EML1: variants seen among roughly 807,000 people sequenced by gnomAD.
EML1 encodes echinoderm microtubule-associated protein-like 1.
A neutral mutation model predicts 110.4 loss-of-function variants in EML1; 27 were observed. The observed-to-expected ratio is 0.24, with a 90% CI of 0.18 to 0.34. The LOEUF is 0.34. Among genes scored for constraint, EML1 ranks in the 10% least tolerant of loss-of-function variants. EML1 has a pLI of 1.00. For missense variants in EML1, 741 were observed against 1,030.9 expected, an observed-to-expected ratio of 0.72 and a Z score of 3.85; for synonymous variants, 344 against 385.8, an observed-to-expected ratio of 0.89 and a Z score of 1.27.
upstream of EML1, among the ~76,000 whole-genome samples, chr14:99,770,247 T>C (rs1411354580): frequency 5.3e-5 from 8 of 152,192 alleles, no homozygotes; most frequent in Admixed American, 5.2e-4. Flanking sequence ...AAGATCAAAG[T>C]GCTGGCAGAT....
chr14:99,920,919 CTTTTAT>C (rs2060119799), intron 17 of EML1, 42 bp downstream of exon 17: 4 of 1,568,074 alleles, frequency 2.6e-6, no homozygotes, highest in Non-Finnish European at 3.5e-6. Context: ...TTTTAATCAA[CTTTTAT>C]TTTAAGTTCT....
intron 1 of EML1, among the ~76,000 whole-genome samples, chr14:99,836,989 T>C (rs1412849842): frequency 1.5e-5 from 2 of 129,754 alleles, no homozygotes; most frequent in African/African-American, 2.6e-5. Context: ...GTAATTGTTC[T>C]AATTTTTTTT....
intron 3 of EML1, among the ~76,000 whole-genome samples, chr14:99,868,794 A>T (rs754616787): frequency 2.6e-5 from 4 of 151,236 alleles, no homozygotes; most frequent in South Asian, 2.1e-4. Flanking sequence ...TTGTTTTTCT[A>T]TTCTCCACTT....
chr14:99,860,571 A>G (rs956484310), intron 2 of EML1, among the ~76,000 whole-genome samples: 1 of 152,178 alleles, frequency 6.6e-6, no homozygotes, highest in East Asian at 1.9e-4. Flanking sequence ...TTGAGTGGCT[A>G]ATAATTTTTA....
At chr14:99,758,582 G>T (rs2057281647) in intron 1 of EML1, among the ~76,000 whole-genome samples, 1 of 152,170 alleles carries the variant, frequency 6.6e-6, no homozygotes, top group Non-Finnish European at 1.5e-5. Flanking sequence ...TAGTCATTTT[G>T]AGAGCCCCAG....
At chr14:99,800,833 T>C (rs187892666) in intron 1 of EML1, among the ~76,000 whole-genome samples, 1 of 152,386 alleles carries the variant, frequency 6.6e-6, no homozygotes, top group African/African-American at 2.4e-5. Flanking sequence ...ATATTTAAAC[T>C]CTCTATCTTT....
chr14:99,814,649 GA>G (rs1397409191), intron 1 of EML1, among the ~76,000 whole-genome samples: 8 of 152,170 alleles, frequency 5.3e-5, no homozygotes, highest in Non-Finnish European at 1.2e-4. Context: ...TGGATTGTGT[GA>G]AAATACAAGT....
chr14:99,780,110 T>C (rs35213324), intron 1 of EML1, among the ~76,000 whole-genome samples: 380 of 152,242 alleles, frequency 2.5e-3, no homozygotes, highest in Non-Finnish European at 4.5e-3. Flanking sequence ...AAGTAAGAGA[T>C]ATATCTCTCT....
At position 99,894,073 on chromosome 14, in the gene EML1, G is replaced by A. The variant is rs1055465539; in HGVS notation, c.548-556G>A. Among the ~76,000 whole-genome samples the A allele has an allele frequency of 2.0e-5, 3 of 152,152 alleles. No individual in the cohort carries two copies. The East Asian group carries it at 5.8e-4, about 29-fold the overall frequency. The stretch of plus-strand genomic sequence containing the variant: ...TTTTCCATTTCTAGATTTTCTTTGA[G>A]CATTTTCCTTTCTGCATTGCATCCT... On this transcript the variant is annotated intron_variant, in intron 5 of 21. Transcript: ENST00000262233.
At chr14:99,741,085 G>C (rs889572940) in intron 1 of EML1, among the ~76,000 whole-genome samples, 1 of 152,186 alleles carries the variant, frequency 6.6e-6, no homozygotes, top group South Asian at 2.1e-4. Flanking sequence ...AGAGACCAGG[G>C]TTCAAATCCC....
Position 99,936,214 on chromosome 14 carries a change from C to T in EML1, c.2008-33C>T. 6.2e-7 allele frequency: 1 copy of T among 1,612,704 alleles called. No individual in the cohort carries two copies. Among genetic ancestry groups the T allele is most frequent in the East Asian group, 2.2e-5 (1 of 44,878 alleles). ...CAGTGTTGGCAGGGACTTCTAAGGC[C>T]AATGAAATGAAGACAGTGTTTTACC... On this transcript the variant is annotated intron_variant, in intron 18 of 21. Coordinates refer to ENST00000262233, the MANE Select transcript of EML1 (RefSeq NM_004434.3). The surrounding 1 kb of genome is among the most constrained non-coding windows in gnomAD (Gnocchi z 5.5).
At chr14:99,752,017 C>T (rs534476579) in intron 1 of EML1, among the ~76,000 whole-genome samples, 1 of 152,124 alleles carries the variant, frequency 6.6e-6, no homozygotes, top group African/African-American at 2.4e-5. Context: ...GAGGCAAACC[C>T]AAGGCCGTTT....
intron 15 of EML1, among the ~76,000 whole-genome samples, chr14:99,917,566 G>A (rs1348153733): frequency 6.6e-6 from 1 of 152,140 alleles, no homozygotes; most frequent in Non-Finnish European, 1.5e-5. Flanking sequence ...CCTCAAAAAA[G>A]GGTGGGGGTA....
chr14:99,862,979 G>A (rs2059027186), intron 2 of EML1, among the ~76,000 whole-genome samples: 1 of 152,174 alleles, frequency 6.6e-6, no homozygotes, highest in South Asian at 2.1e-4. Flanking sequence ...GTCTGCATCT[G>A]TGTTAAGGGA....
At chr14:99,854,437 C>T (rs2058866378) in intron 2 of EML1, among the ~76,000 whole-genome samples, 1 of 152,172 alleles carries the variant, frequency 6.6e-6, no homozygotes, top group African/African-American at 2.4e-5. Context: ...GAGATTGTGG[C>T]CCACTGTAAT....
chr14:99,802,961 C>T (rs58019682), intron 1 of EML1, among the ~76,000 whole-genome samples: 1 of 152,022 alleles, frequency 6.6e-6, no homozygotes, highest in Non-Finnish European at 1.5e-5. Flanking sequence ...TTATCTTCAT[C>T]CCTGAGTGCC....
chr14:99,900,007 C>A (rs1049130719), intron 8 of EML1, among the ~76,000 whole-genome samples: 6 of 152,008 alleles, frequency 3.9e-5, no homozygotes, highest in African/African-American at 1.5e-4. Context: ...AGGCCAGCAC[C>A]TTTTCTTACT....
chr14:99,779,394 T>C (rs554759687), intron 1 of EML1, among the ~76,000 whole-genome samples: 102 of 152,358 alleles, frequency 6.7e-4, no homozygotes, highest in African/African-American at 2.4e-3. Flanking sequence ...TATGAGGATA[T>C]AAATAATAGT....
At chr14:99,761,857 G>A (rs1380428007) in intron 1 of EML1, among the ~76,000 whole-genome samples, 3 of 150,756 alleles carry the variant, frequency 2.0e-5, no homozygotes, top group African/African-American at 4.9e-5. Flanking sequence ...CCTGGGAGGC[G>A]GAGGTTGCAG....
Sources: allele counts gnomAD v4.1 joint callset (sites outside exome capture counted in the v4.1 genomes callset), GRCh38; gene constraint gnomAD v4.1.1; non-coding constraint Gnocchi (gnomAD v3.1); transcripts MANE v1.5; gene names NCBI Gene and HGNC (gene_info 2026-07-23, HGNC 2026-07-21).